The following PIWIL2 variants were observed in gnomAD, a reference collection of about 807,000 sequenced individuals.
PIWIL2 encodes the protein piwi like RNA-mediated gene silencing 2.
In PIWIL2, 81 loss-of-function variants were observed where a neutral mutation model predicts 116.5. The ratio of observed to expected loss-of-function variants is 0.70; its 90% CI spans 0.58 to 0.84. The LOEUF is 0.84. PIWIL2 is among the 40% of genes least tolerant of loss of function. PIWIL2 has a pLI of 0.00. For synonymous variants in PIWIL2, 489 were observed against 429.5 expected (o/e 1.14, Z -1.71); for missense variants, 1,272 against 1,212.3 (o/e 1.05, Z -0.73).
chr8:22,279,290 G>GAAGGA (rs1830445564), intron 1 of PIWIL2, 51 bp from the exon 2 acceptor site: 2 of 991,094 alleles, frequency 2.0e-6, no homozygotes, highest in Non-Finnish European at 3.2e-6. Flanking sequence ...AGTGTGTCTT[G>GAAGGA]AAGGAAAAGG....
chr8:22,279,707 CTT>C, intron 2 of PIWIL2, 123 bp downstream of exon 2: 1 of 853,716 alleles, frequency 1.2e-6, no homozygotes, highest in East Asian at 2.6e-5. Context: ...AATCCCAGCA[CTT>C]TGGGAGGCCG....
At chr8:22,284,755 G>C (rs962560657) in intron 6 of PIWIL2, among the ~76,000 whole-genome samples, 2 of 150,514 alleles carry the variant, frequency 1.3e-5, no homozygotes, top group Middle Eastern at 3.2e-3. Context: ...GTTAAATTTA[G>C]GGGTGAGAAA....
chr8:22,333,525 T>G (rs530789276), intron 20 of PIWIL2, among the ~76,000 whole-genome samples: 85 of 152,104 alleles, frequency 5.6e-4, no homozygotes, highest in Non-Finnish European at 3.1e-4. Context: ...GGCAGGAGAA[T>G]CGCTTGAACC....
rs1027159144 is a variant in PIWIL2 at position 22,356,275 on chromosome 8, C to T, written c.*770C>T. 2.0e-5 allele frequency: 3 copies of T among 152,152 alleles called. No individual in the cohort carries two copies. Among genetic ancestry groups the T allele is most frequent in the African/African-American group, 7.2e-5 (3 of 41,434 alleles). The allele number at this position is 152,152 out of a possible 1,614,324, so 9.4% of individuals were successfully genotyped here. The stretch of plus-strand genomic sequence containing the variant: ...AAGCAAAGTTTTCAAGTAGATATTG[C>T]TATTACTGGCAGGTGTGCAAGGCGT... On this transcript the variant is annotated 3_prime_UTR_variant, in exon 23 of 23. Coordinates refer to ENST00000356766, the MANE Select transcript of PIWIL2 (RefSeq NM_018068.5).
rs147855889 is a variant in PIWIL2, at chr8:22,295,760, G to C, written c.1181+5414G>C. On this transcript the variant is annotated intron_variant, in intron 10 of 22. Coordinates refer to ENST00000356766, the MANE Select transcript of PIWIL2 (RefSeq NM_018068.5). Reference sequence around the variant, plus strand: ...ATTTTCCTGGAGGTGAGAAGAGCTCGGTGTTTAAAAATGTAACAGCTTTTC... The same window carrying C: ...ATTTTCCTGGAGGTGAGAAGAGCTCCGTGTTTAAAAATGTAACAGCTTTTC... 6.5e-3 allele frequency among the ~76,000 whole-genome samples: 994 copies of C among 152,170 alleles called. 16 individuals carry two copies. Among genetic ancestry groups the C allele is most frequent in the African/African-American group, 0.023 (943 of 41,494 alleles).
intron 10 of PIWIL2, among the ~76,000 whole-genome samples, chr8:22,291,007 C>T (rs1191921734): frequency 6.8e-6 from 1 of 146,624 alleles, no homozygotes; most frequent in Non-Finnish European, 1.5e-5. Context: ...CTCACTCTAT[C>T]ACCCAGGCTG....
Position 22,304,994 on chromosome 8 carries a change from G to A in PIWIL2, c.1455+126G>A, listed in dbSNP as rs912674045. ...TCGTAGTGTAGTTGCGGAAAGCTGT[G>A]CAAGTGTTTGTCTGTCTCATCCAGC... On this transcript the variant is annotated intron_variant, in intron 12 of 22. Coordinates refer to ENST00000356766, the MANE Select transcript of PIWIL2 (RefSeq NM_018068.5). 9 of 671,068 alleles carry A rather than the reference G, an allele frequency of 1.3e-5. No homozygotes were observed. In the African/African-American group the frequency reaches 1.6e-4, roughly 12 times the overall value. The allele number at this position is 671,068 out of a possible 1,614,324, so 41.6% of individuals were successfully genotyped here. A position where few individuals can be genotyped will look rare whatever the true frequency, so the allele number is the denominator to read the frequency against.
chr8:22,277,895 A>G (rs890392782), intron 1 of PIWIL2, among the ~76,000 whole-genome samples: 2 of 152,192 alleles, frequency 1.3e-5, no homozygotes, highest in East Asian at 3.9e-4. Flanking sequence ...TAGGCCAGGC[A>G]CAGTGGCTCA....
chr8:22,297,479 A>G (rs1830935459), intron 10 of PIWIL2, among the ~76,000 whole-genome samples: 2 of 151,098 alleles, frequency 1.3e-5, no homozygotes. Context: ...TATCTTTTTA[A>G]TTTTTTTTTA....
At chr8:22,301,179 T>C (rs1831038650) in intron 10 of PIWIL2, among the ~76,000 whole-genome samples, 1 of 151,964 alleles carries the variant, frequency 6.6e-6, no homozygotes, top group South Asian at 2.1e-4. Flanking sequence ...AGATAGAGTT[T>C]CACCACGTTG....
At chr8:22,287,359 T>G (rs908546553) in intron 6 of PIWIL2, among the ~76,000 whole-genome samples, 169 bp from the exon 7 acceptor site, 3 of 152,244 alleles carry the variant, frequency 2.0e-5, no homozygotes, top group African/African-American at 7.2e-5. Flanking sequence ...TTCTGATGTT[T>G]CAGCTGCGAG....
At chr8:22,330,557 C>T (rs58827517) in intron 20 of PIWIL2, among the ~76,000 whole-genome samples, 16 of 151,742 alleles carry the variant, frequency 1.1e-4, no homozygotes, top group African/African-American at 3.9e-4. Flanking sequence ...ATTAGCTGGG[C>T]GTAGTGGCGG....
intron 20 of PIWIL2, among the ~76,000 whole-genome samples, chr8:22,332,985 T>A (rs1184456612): frequency 6.6e-6 from 1 of 151,934 alleles, no homozygotes; most frequent in African/African-American, 2.4e-5. Context: ...GCTATATATT[T>A]GTCTGTGCAT....
chr8:22,328,573 T>A (rs574842464), intron 20 of PIWIL2, among the ~76,000 whole-genome samples: 1 of 152,292 alleles, frequency 6.6e-6, no homozygotes, highest in South Asian at 2.1e-4. Flanking sequence ...ACACAGGATG[T>A]CTTTCTATTT....
intron 14 of PIWIL2, 124 bp downstream of exon 14, chr8:22,308,197 G>GTT (rs375154486): frequency 0.021 from 11,019 of 516,318 alleles, no homozygotes; most frequent in South Asian, 0.024. Context: ...ATTTTTCTAA[G>GTT]TTTTTTTTTT....
At chr8:22,348,686 G>C (rs1196002734) in intron 20 of PIWIL2, among the ~76,000 whole-genome samples, 1 of 152,202 alleles carries the variant, frequency 6.6e-6, no homozygotes, top group Non-Finnish European at 1.5e-5. Context: ...CTGCTCAGGA[G>C]GCTGAGGCAG....
Position 22,288,298 on chromosome 8 carries a change from CAAA to C in PIWIL2, c.862-226_862-224del, listed in dbSNP as rs5890028. On this transcript the variant is annotated intron_variant, in intron 7 of 22. Coordinates refer to ENST00000356766, the MANE Select transcript of PIWIL2 (RefSeq NM_018068.5). ...GGGTGACAGAGCGAGACTCTGTCTCCAAAAAAAAAAAAAAAAAAAATTGCAAAT... is the reference window on the plus strand; with the variant it reads ...GGGTGACAGAGCGAGACTCTGTCTCCAAAAAAAAAAAAAAAAATTGCAAAT... 7.7e-3 allele frequency among the ~76,000 whole-genome samples: 783 copies of C among 102,222 alleles called. 8 individuals are homozygous for C. The highest frequency in any genetic ancestry group is 0.031 in the African/African-American group (736 of 23,630). 67.1% of individuals were successfully genotyped at this position (102,222 alleles called of 152,430 possible).
In PIWIL2 at chr8:22,276,250, G is replaced by C. The variant is rs1042208960; in HGVS notation, c.-47+852G>C. 2.0e-5 allele frequency among the ~76,000 whole-genome samples: 3 copies of C among 152,208 alleles called. No individual in the cohort carries two copies. The East Asian group carries it at 5.8e-4, about 29-fold the overall frequency. ...CACTTACGCTGTGGGTTTATGAATT[G>C]TGTGTTAATATTTTCTTTAAATGTA... On this transcript the variant is annotated intron_variant, in intron 1 of 22. Transcript: ENST00000356766.
rs1830382911 is a variant in PIWIL2, at chr8:22,276,776, G to T, written c.-47+1378G>T. ...AAATTAGCTGGGTATGGTGGCAGGT[G>T]CCTGAAGTCCTAGCTACTTGGGAGG... On this transcript the variant is annotated intron_variant, in intron 1 of 22. Transcript: ENST00000356766. 2.0e-5 allele frequency among the ~76,000 whole-genome samples: 3 copies of T among 152,012 alleles called. No homozygotes were observed. The South Asian group carries it at 6.2e-4, about 32-fold the overall frequency.
Sources: allele counts gnomAD v4.1 joint callset (sites outside exome capture counted in the v4.1 genomes callset), GRCh38; gene constraint gnomAD v4.1.1; transcripts MANE v1.5; gene names NCBI Gene and HGNC (gene_info 2026-07-23, HGNC 2026-07-21).